Variants in PRKG1 observed in about 807,000 individuals in gnomAD.
The protein encoded by PRKG1 is cGMP-dependent protein kinase 1.
Under a neutral mutation model 88.1 loss-of-function variants are expected in PRKG1, and 35 were observed. That is an observed-to-expected ratio of 0.40 (90% CI 0.30 to 0.53). The LOEUF (loss-of-function observed/expected upper bound fraction) is 0.53, where lower values mean the gene tolerates loss of function less well. Ranked by LOEUF, PRKG1 falls within the 20% of genes least tolerant of loss-of-function variation. The probability of loss-of-function intolerance (pLI) is 0.59; values close to 1 mark genes in which losing one functional copy is unlikely to be tolerated. For missense variants in PRKG1, 540 were observed against 839.8 expected (o/e 0.64, Z 4.41); for synonymous variants, 303 against 292.5 (o/e 1.04, Z -0.37).
At chr10:51,331,255 C>A (rs1485122268) in intron 2 of PRKG1, among the ~76,000 whole-genome samples, 1 of 151,992 alleles carries the variant, frequency 6.6e-6, no homozygotes, top group African/African-American at 2.4e-5. Context: ...GCCACTGCGG[C>A]CAGGACTGCC....
chr10:51,363,027 C>G (rs959060677), intron 2 of PRKG1, among the ~76,000 whole-genome samples: 4 of 151,840 alleles, frequency 2.6e-5, no homozygotes, highest in Non-Finnish European at 5.9e-5. Context: ...CCTGTAGTGC[C>G]TTTTCAAAAT....
chr10:52,079,478 T>G (rs966902622), intron 7 of PRKG1, among the ~76,000 whole-genome samples: 24 of 152,142 alleles, frequency 1.6e-4, no homozygotes, highest in African/African-American at 5.1e-4. Context: ...CACATCTCCT[T>G]CTAGATCATC....
Position 52,288,977 on chromosome 10 carries a change from G to T in PRKG1, c.1879G>T (p.Asp627Tyr), listed in dbSNP as rs1428272946. The change falls in exon 16 of 18, where the codon GAC becomes TAC. Residue 627 changes from aspartate to tyrosine, a missense_variant. By Grantham distance (160) the Asp-to-Tyr change is radical. Transcript: ENST00000373980. ...AGGGAATTTGAAAAATGGAGTAAAA[G>T]ACATTCAAAAGCACAAGTAAGTGTT... ...RLGNLKNGVK[D>Y]IQKHKWFEGF... The T allele has an allele frequency of 1.2e-6, 2 of 1,609,298 alleles. No homozygotes were observed. The highest frequency in any genetic ancestry group is 1.7e-6 in the Non-Finnish European group (2 of 1,176,924).
chr10:52,292,654 TG>T (rs1249265819), intron 17 of PRKG1, among the ~76,000 whole-genome samples: 3 of 152,170 alleles, frequency 2.0e-5, no homozygotes, highest in African/African-American at 7.2e-5. Flanking sequence ...CATGCTGTTT[TG>T]GTTACTCTAG....
chr10:51,521,990 C>T lies in PRKG1; in HGVS notation c.592+54154C>T, dbSNP rs115326503. On this transcript the variant is annotated intron_variant, in intron 3 of 17. Transcript: ENST00000373980. The stretch of plus-strand genomic sequence containing the variant: ...ACAGCATGGGAGTCAGAAAAATCAG[C>T]TTATAGCCAACAAATTGAGCCTTAA... Among the ~76,000 whole-genome samples the T allele has an allele frequency of 3.6e-3, 541 of 152,138 alleles. 4 individuals are homozygous for T. Among genetic ancestry groups the T allele is most frequent in the Middle Eastern group, 0.02 (6 of 294 alleles).
chr10:51,001,012 T>C (rs1275070034), intron 1 of PRKG1, among the ~76,000 whole-genome samples: 1 of 152,206 alleles, frequency 6.6e-6, no homozygotes, highest in Non-Finnish European at 1.5e-5. Flanking sequence ...TAGATGGAGA[T>C]GGTGGTTTTC....
chr10:51,421,776 A>C (rs1838422822), intron 2 of PRKG1, among the ~76,000 whole-genome samples: 1 of 152,068 alleles, frequency 6.6e-6, no homozygotes, highest in Admixed American at 6.6e-5. Flanking sequence ...TGTTAGTTTG[A>C]GTTATGTTGC....
chr10:52,109,962 G>A (rs932948608), intron 7 of PRKG1, among the ~76,000 whole-genome samples: 10 of 151,774 alleles, frequency 6.6e-5, no homozygotes, highest in African/African-American at 2.4e-4. Context: ...TGTGAGCCTT[G>A]ACATTGTAAA....
chr10:51,990,670 T>G (rs1012982819), intron 5 of PRKG1, among the ~76,000 whole-genome samples: 2 of 152,074 alleles, frequency 1.3e-5, no homozygotes, highest in Non-Finnish European at 2.9e-5. Flanking sequence ...CACCCAGGTA[T>G]TAAGCCTAGT....
chr10:51,348,189 A>G (rs1419473830), intron 2 of PRKG1, among the ~76,000 whole-genome samples: 1 of 152,108 alleles, frequency 6.6e-6, no homozygotes, highest in Non-Finnish European at 1.5e-5. Flanking sequence ...AAATACTTAC[A>G]CCAAAGGCCA....
chr10:51,531,795 A>AC (rs1842024293), intron 3 of PRKG1, among the ~76,000 whole-genome samples: 13 of 151,272 alleles, frequency 8.6e-5, no homozygotes, highest in African/African-American at 3.2e-4. Context: ...CAGGCTCCCG[A>AC]CACTGTGCCC....
At chr10:51,925,632 G>A (rs1482725587) in intron 5 of PRKG1, among the ~76,000 whole-genome samples, 4 of 152,150 alleles carry the variant, frequency 2.6e-5, no homozygotes, top group Non-Finnish European at 2.9e-5. Context: ...CACAGAGCTC[G>A]GAATTTACTT....
At chr10:51,036,146 G>A (rs2132752131) in intron 1 of PRKG1, among the ~76,000 whole-genome samples, 1 of 152,188 alleles carries the variant, frequency 6.6e-6, no homozygotes, top group African/African-American at 2.4e-5. Context: ...ACTATTGTGT[G>A]CTTAACTTAC....
rs181126730 is a variant in PRKG1, at chr10:51,920,666, C to G, written c.762+13096C>G. Among the ~76,000 whole-genome samples the G allele has an allele frequency of 5.5e-4, 84 of 152,174 alleles. 1 individual carries two copies. Among genetic ancestry groups the G allele is most frequent in the Admixed American group, 5.0e-3 (76 of 15,260 alleles). ...ACCCTTTAATTGTGGTTCAATCATTCCTTAGCTATGTGATCTTGAGCAAGT... is the reference window on the plus strand; with the variant it reads ...ACCCTTTAATTGTGGTTCAATCATTGCTTAGCTATGTGATCTTGAGCAAGT... On this transcript the variant is annotated intron_variant, in intron 5 of 17. Transcript: ENST00000373980.
chr10:52,099,694 G>A (rs547456220), intron 7 of PRKG1, among the ~76,000 whole-genome samples: 2 of 152,316 alleles, frequency 1.3e-5, no homozygotes, highest in East Asian at 3.9e-4. Context: ...TCTATAAGAT[G>A]TTACCATCCA....
intron 3 of PRKG1, among the ~76,000 whole-genome samples, chr10:51,616,231 C>G (rs1839050717): frequency 1.3e-5 from 2 of 152,170 alleles, no homozygotes; most frequent in African/African-American, 4.8e-5. Context: ...TCCTTGAGCA[C>G]CAGGGTGGTG....
At chr10:51,897,483 G>T (rs1397959510) in intron 4 of PRKG1, among the ~76,000 whole-genome samples, 2 of 151,932 alleles carry the variant, frequency 1.3e-5, no homozygotes, top group Non-Finnish European at 2.9e-5. Flanking sequence ...CAGATGTTTT[G>T]GCTTATAGAT....
At chr10:52,161,778 T>G (rs1838281956) in intron 8 of PRKG1, 111 bp from the exon 9 acceptor site, 1 of 870,934 alleles carries the variant, frequency 1.1e-6, no homozygotes, top group Non-Finnish European at 1.8e-6. Context: ...ATTAAGTGTT[T>G]GAATTTACTT....
intron 10 of PRKG1, among the ~76,000 whole-genome samples, chr10:52,257,490 G>T (rs183115371): frequency 7.1e-6 from 1 of 139,862 alleles, no homozygotes; most frequent in African/African-American, 2.5e-5. Flanking sequence ...CTGCCAAGCC[G>T]CACAGCAATG....
Sources: gnomAD v4.1 joint callset for allele counts (sites outside exome capture counted in the v4.1 genomes callset) on GRCh38, gnomAD v4.1.1 for gene constraint, MANE v1.5 for transcripts, NCBI Gene and HGNC (gene_info 2026-07-23, HGNC 2026-07-21) for gene names.